Variants in KCND3 observed in about 807,000 individuals in gnomAD.
KCND3 encodes the protein potassium voltage-gated channel subfamily D member 3.
A neutral mutation model predicts 51.1 loss-of-function variants in KCND3; 9 were observed. The ratio of observed to expected loss-of-function variants is 0.18; its 90% CI spans 0.11 to 0.31. The LOEUF is 0.31. Among genes scored for constraint, KCND3 ranks in the 10% least tolerant of loss-of-function variants. The pLI is 1.00. For missense variants in KCND3, 526 were observed against 903.8 expected, an observed-to-expected ratio of 0.58 and a Z score of 5.36; for synonymous variants, 349 against 368.0, an observed-to-expected ratio of 0.95 and a Z score of 0.59.
At position 111,771,453 on chromosome 1, in the gene KCND3, G is replaced by A. The variant is rs1663905283; in HGVS notation, c.*4624C>T. 1.3e-5 allele frequency: 2 copies of A among 152,182 alleles called. No individual in the cohort carries two copies. Among genetic ancestry groups the A allele is most frequent in the Admixed American group, 1.3e-4 (2 of 15,278 alleles). The allele number at this position is 152,182 out of a possible 1,614,324, so 9.4% of individuals were successfully genotyped here. A position where few individuals can be genotyped will look rare whatever the true frequency, so the allele number is the denominator to read the frequency against. ...AGAAAGGAAATGAATATTGCCTTAA[G>A]TTCACAGCATTGGGATATTTTTGCC... On this transcript the variant is annotated 3_prime_UTR_variant, in exon 8 of 8. Transcript: ENST00000302127.
chr1:111,985,247 A>T (rs3008528), intron 1 of KCND3, among the ~76,000 whole-genome samples: 38,860 of 152,106 alleles, frequency 0.26, 5,230 homozygotes, highest in African/African-American at 0.31. Flanking sequence ...ACTTACATGG[A>T]GCGTCTCAAG....
In KCND3 at chr1:111,788,129, G is replaced by A. The variant is rs1027888714; in HGVS notation, c.1107-1023C>T. On this transcript the variant is annotated intron_variant, in intron 2 of 7. Transcript: ENST00000302127. ...TTGGCCTGGATCCTACTCAGTCTTC[G>A]GCATGCAGGCCAGAGCCTCTGTCCC... Among the ~76,000 whole-genome samples, 5 of 152,302 alleles carry A rather than the reference G, an allele frequency of 3.3e-5. No individual in the cohort carries two copies. In the East Asian group the frequency reaches 5.8e-4, roughly 18 times the overall value.
intron 2 of KCND3, among the ~76,000 whole-genome samples, chr1:111,892,108 C>T (rs897428202): frequency 3.9e-5 from 6 of 152,264 alleles, no homozygotes; most frequent in Non-Finnish European, 7.4e-5. Context: ...CAGGGAAAAG[C>T]TTCCTAGAGA....
At chr1:111,931,425 T>TC (rs767141771) in intron 2 of KCND3, among the ~76,000 whole-genome samples, 13 of 151,816 alleles carry the variant, frequency 8.6e-5, no homozygotes, top group Non-Finnish European at 1.8e-4. Context: ...CCTGTAGAGT[T>TC]CCCCCTGAGA....
chr1:111,949,456 G>T (rs1672949074), intron 2 of KCND3, among the ~76,000 whole-genome samples: 1 of 152,176 alleles, frequency 6.6e-6, no homozygotes, highest in Admixed American at 6.5e-5. Flanking sequence ...GAAGAGCCCT[G>T]CAGGCAAGAG....
chr1:111,911,277 G>A (rs1173522819), intron 2 of KCND3, among the ~76,000 whole-genome samples: 4 of 152,236 alleles, frequency 2.6e-5, no homozygotes, highest in Admixed American at 6.5e-5. Flanking sequence ...ATATGTTTCA[G>A]TGTGGGAGCC....
chr1:111,810,132 A>AGTG (rs1277363468), intron 2 of KCND3, among the ~76,000 whole-genome samples: 2 of 152,216 alleles, frequency 1.3e-5, no homozygotes, highest in Non-Finnish European at 2.9e-5. Context: ...CCAAGGGGTC[A>AGTG]GTGTGTGAGG....
chr1:111,961,619 A>T (rs1303544166), intron 2 of KCND3, among the ~76,000 whole-genome samples: 1 of 152,126 alleles, frequency 6.6e-6, no homozygotes, highest in Non-Finnish European at 1.5e-5. Flanking sequence ...CCTGTGCCGA[A>T]GGTGTGCATC....
At chr1:111,931,409 A>T (rs1671963185) in intron 2 of KCND3, among the ~76,000 whole-genome samples, 1 of 152,156 alleles carries the variant, frequency 6.6e-6, no homozygotes, top group African/African-American at 2.4e-5. Context: ...CCCACCCCCT[A>T]AAAAACCTGT....
At chr1:111,835,242 G>A (rs370873441) in intron 2 of KCND3, among the ~76,000 whole-genome samples, 3 of 152,320 alleles carry the variant, frequency 2.0e-5, no homozygotes, top group Admixed American at 6.5e-5. Context: ...TTGACAATGG[G>A]TGGGTAGGCG....
intron 2 of KCND3, among the ~76,000 whole-genome samples, chr1:111,844,858 G>T (rs1039778190): frequency 6.6e-6 from 1 of 152,116 alleles, no homozygotes; most frequent in Non-Finnish European, 1.5e-5. Flanking sequence ...GCCTCCTCAA[G>T]GACTTTGTTC....
At chr1:111,818,630 C>T (rs1666213515) in intron 2 of KCND3, among the ~76,000 whole-genome samples, 2 of 152,222 alleles carry the variant, frequency 1.3e-5, no homozygotes, top group Non-Finnish European at 2.9e-5. Flanking sequence ...TTGACATTTT[C>T]CAAACTTCCT....
intron 2 of KCND3, among the ~76,000 whole-genome samples, chr1:111,862,442 A>C (rs561007182): frequency 6.6e-6 from 1 of 152,396 alleles, no homozygotes; most frequent in African/African-American, 2.4e-5. Flanking sequence ...TTGCAATGAA[A>C]AACTGTAAAC....
chr1:111,850,552 CA>C (rs1386538708), intron 2 of KCND3, among the ~76,000 whole-genome samples: 1 of 152,224 alleles, frequency 6.6e-6, no homozygotes, highest in Non-Finnish European at 1.5e-5. Context: ...CTAACATGTA[CA>C]GACCCTGGGT....
At chr1:111,934,069 G>C (rs1185396403) in intron 2 of KCND3, among the ~76,000 whole-genome samples, 2 of 152,166 alleles carry the variant, frequency 1.3e-5, no homozygotes, top group Non-Finnish European at 2.9e-5. Flanking sequence ...GGGGAAGGTG[G>C]TGCGGGGGCT....
intron 2 of KCND3, among the ~76,000 whole-genome samples, chr1:111,874,606 A>C (rs1279707108): frequency 6.6e-6 from 1 of 152,128 alleles, no homozygotes; most frequent in Non-Finnish European, 1.5e-5. Flanking sequence ...TTATTTTCCT[A>C]CTATTTTTTC....
In KCND3 at chr1:111,877,236, G is replaced by A. The variant is rs140707778; in HGVS notation, c.1107-90130C>T. The stretch of plus-strand genomic sequence containing the variant: ...GTGAAGTGCCAGGCACTGTGCCAGG[G>A]GCTTGCGAGTTGTCCTTGTCTGAAG... On this transcript the variant is annotated intron_variant, in intron 2 of 7. Transcript: ENST00000302127. Among the ~76,000 whole-genome samples the A allele has an allele frequency of 5.0e-3, 757 of 152,322 alleles. 25 individuals are homozygous for A. Among genetic ancestry groups the A allele is most frequent in the Admixed American group, 0.039 (597 of 15,306 alleles).
chr1:111,781,976 T>A (rs916093651), intron 3 of KCND3, among the ~76,000 whole-genome samples: 1 of 152,108 alleles, frequency 6.6e-6, no homozygotes. Context: ...GCTCTGTAAA[T>A]CTATTTACAG....
intron 2 of KCND3, among the ~76,000 whole-genome samples, chr1:111,793,691 C>G (rs1470972504): frequency 6.6e-6 from 1 of 152,182 alleles, no homozygotes; most frequent in African/African-American, 2.4e-5. Flanking sequence ...ATGGTCCCTC[C>G]TGGGGCCCAC....
Sources: gnomAD v4.1 joint callset for allele counts (sites outside exome capture counted in the v4.1 genomes callset) on GRCh38, gnomAD v4.1.1 for gene constraint, MANE v1.5 for transcripts, NCBI Gene and HGNC (gene_info 2026-07-23, HGNC 2026-07-21) for gene names.